Variants in TNKS observed in about 807,000 individuals in gnomAD.
TNKS encodes the protein tankyrase, also known as poly [ADP-ribose] polymerase tankyrase-1.
A neutral mutation model predicts 135.8 loss-of-function variants in TNKS; 72 were observed. The ratio of observed to expected loss-of-function variants is 0.53; its 90% confidence interval spans 0.44 to 0.64. The LOEUF is 0.64. Among genes scored for constraint, TNKS ranks in the 30% least tolerant of loss-of-function variants. The pLI is 0.00. For missense variants in TNKS, 1,769 were observed against 1,674.0 expected (o/e 1.06, Z -0.99); for synonymous variants, 849 against 649.3 (o/e 1.31, Z -4.68).
intron 5 of TNKS, among the ~76,000 whole-genome samples, chr8:9,697,101 A>G (rs954088302): frequency 6.6e-6 from 1 of 152,148 alleles, no homozygotes; most frequent in Non-Finnish European, 1.5e-5. Context: ...CAAAAAACAG[A>G]CACGTAGACT....
intron 3 of TNKS, among the ~76,000 whole-genome samples, chr8:9,632,831 A>G (rs546645650): frequency 1.1e-4 from 16 of 152,142 alleles, no homozygotes; most frequent in Non-Finnish European, 1.9e-4. Flanking sequence ...CCGGGTTCAT[A>G]CCATTCTCCT....
intron 3 of TNKS, among the ~76,000 whole-genome samples, chr8:9,664,144 G>T (rs1801873201): frequency 6.6e-6 from 1 of 152,148 alleles, no homozygotes; most frequent in Non-Finnish European, 1.5e-5. Flanking sequence ...AAGAAAAGAG[G>T]TTTATTTGGC....
At chr8:9,740,055 T>TAAAAAAAAAAAA (rs58285747) in intron 17 of TNKS, among the ~76,000 whole-genome samples, 1 of 87,448 alleles carries the variant, frequency 1.1e-5, no homozygotes, top group African/African-American at 4.4e-5. Context: ...TAGAGTATAA[T>TAAAAAAAAAAAA]AAAAAAAAAA....
chr8:9,662,443 T>C (rs1801765005), intron 3 of TNKS, among the ~76,000 whole-genome samples: 2 of 152,216 alleles, frequency 1.3e-5, no homozygotes, highest in South Asian at 4.1e-4. Flanking sequence ...ATGTCCTTTG[T>C]AGGGACATGG....
chr8:9,556,663 T>C, intron 1 of TNKS, 51 bp downstream of exon 1: 1 of 1,603,932 alleles, frequency 6.2e-7, no homozygotes. Flanking sequence ...GGGTGCAGGG[T>C]CCGGTTAGGA....
At position 9,680,035 on chromosome 8, in the gene TNKS, G is replaced by C. The variant is rs566963450; in HGVS notation, c.1031+48G>C. 1.1e-5 allele frequency: 16 copies of C among 1,403,690 alleles called. No homozygotes were observed. In the East Asian group the frequency reaches 1.4e-4, roughly 12 times the overall value. The allele number at this position is 1,403,690 out of a possible 1,614,324, so 87.0% of individuals were successfully genotyped here. A position where few individuals can be genotyped will look rare whatever the true frequency, so the allele number is the denominator to read the frequency against. On this transcript the variant is annotated intron_variant, in intron 4 of 26. Coordinates refer to ENST00000310430, the MANE Select transcript of TNKS (RefSeq NM_003747.3). ...AGTGTATATAATGCATTAAGGAAGA[G>C]AAGGAGGAGGGCAGGTGGAGGACTA...
chr8:9,632,269 C>T (rs1008205328), intron 3 of TNKS, among the ~76,000 whole-genome samples: 3 of 152,164 alleles, frequency 2.0e-5, no homozygotes, highest in Non-Finnish European at 4.4e-5. Context: ...AGCTTCCCTA[C>T]GACTGTTTCT....
At chr8:9,772,112 G>T (rs550351091) in intron 26 of TNKS, among the ~76,000 whole-genome samples, 1 of 147,660 alleles carries the variant, frequency 6.8e-6, no homozygotes, top group Non-Finnish European at 1.5e-5. Context: ...AGGGAAGGAC[G>T]GGTGGAGGGA....
intron 1 of TNKS, among the ~76,000 whole-genome samples, chr8:9,577,691 G>C (rs963878603): frequency 3.3e-5 from 5 of 152,114 alleles, no homozygotes; most frequent in Admixed American, 2.6e-4. Context: ...ATCATAATTT[G>C]ACATGAGATT....
At chr8:9,565,560 T>C (rs1344814779) in intron 1 of TNKS, among the ~76,000 whole-genome samples, 1 of 152,152 alleles carries the variant, frequency 6.6e-6, no homozygotes, top group African/African-American at 2.4e-5. Flanking sequence ...GTGTCATTAG[T>C]TCAAAAATAA....
intron 11 of TNKS, 184 bp downstream of exon 11, chr8:9,710,404 C>A: frequency 3.2e-6 from 2 of 623,324 alleles, no homozygotes; most frequent in African/African-American, 1.8e-5. Context: ...AAAATAATTA[C>A]CCGTGTTTCT....
Position 9,748,200 on chromosome 8 carries a change from G to T in TNKS, c.2820G>T (p.Leu940=). Residue 940 remains leucine (L), a synonymous_variant, in exon 18 of 27, where the codon CTG becomes CTT. Coordinates refer to ENST00000310430, the MANE Select transcript of TNKS (RefSeq NM_003747.3). ...TMKNQEGQTP[L]DLATADDIRA... Reference sequence around the variant, plus strand: ...AGAACCAGGAAGGCCAGACGCCTCTGGATCTGGCAACAGTAAGTCCTCATT... The same window carrying T: ...AGAACCAGGAAGGCCAGACGCCTCTTGATCTGGCAACAGTAAGTCCTCATT... The T allele has an allele frequency of 6.4e-7, 1 of 1,554,864 alleles. No individual in the cohort carries two copies. The highest frequency in any genetic ancestry group is 8.7e-7 in the Non-Finnish European group (1 of 1,149,960).
chr8:9,759,056 G>A (rs1455182639), intron 20 of TNKS, among the ~76,000 whole-genome samples: 3 of 152,136 alleles, frequency 2.0e-5, no homozygotes, highest in East Asian at 3.9e-4. Flanking sequence ...GTATAACATG[G>A]TTTCTTGCTC....
At chr8:9,756,338 C>CA (rs1160859764) in intron 20 of TNKS, among the ~76,000 whole-genome samples, 3 of 152,024 alleles carry the variant, frequency 2.0e-5, no homozygotes, top group Admixed American at 2.0e-4. Context: ...TCTCCCCACC[C>CA]AAAGTAAAAT....
At chr8:9,702,964 C>T (rs547044073) in intron 5 of TNKS, among the ~76,000 whole-genome samples, 105 of 152,102 alleles carry the variant, frequency 6.9e-4, no homozygotes, top group Middle Eastern at 3.4e-3. Context: ...GGCAGTGAGC[C>T]GAGATCAAGC....
At chr8:9,667,568 A>T (rs1179268734) in intron 3 of TNKS, among the ~76,000 whole-genome samples, 6 of 152,184 alleles carry the variant, frequency 3.9e-5, no homozygotes, top group African/African-American at 1.4e-4. Flanking sequence ...TGATGTCAGA[A>T]CTGTCTTGTC....
intron 3 of TNKS, among the ~76,000 whole-genome samples, chr8:9,636,915 T>A (rs1352666934): frequency 6.6e-6 from 1 of 152,204 alleles, no homozygotes; most frequent in Non-Finnish European, 1.5e-5. Context: ...CAGGCCTACT[T>A]AGAATGTCAG....
At chr8:9,583,619 G>C (rs565298184) in intron 2 of TNKS, among the ~76,000 whole-genome samples, 26 of 151,960 alleles carry the variant, frequency 1.7e-4, no homozygotes, top group Middle Eastern at 3.4e-3. Flanking sequence ...CTCCCAAGTA[G>C]CTGGGACTGC....
chr8:9,588,376 G>A (rs551124389), intron 2 of TNKS, among the ~76,000 whole-genome samples: 1 of 152,024 alleles, frequency 6.6e-6, no homozygotes, highest in Admixed American at 6.5e-5. Context: ...CCAGGTTCAC[G>A]CCATGCTCTT....
Sources: gnomAD v4.1 joint callset for allele counts (sites outside exome capture counted in the v4.1 genomes callset) on GRCh38, gnomAD v4.1.1 for gene constraint, MANE v1.5 for transcripts, NCBI Gene and HGNC (gene_info 2026-07-23, HGNC 2026-07-21) for gene names.